Variants in TMEM117 observed in about 807,000 individuals in gnomAD.
TMEM117 encodes the protein transmembrane protein 117.
In TMEM117, 27 loss-of-function variants were observed where a neutral mutation model predicts 52.4. That is an observed-to-expected ratio of 0.51 (90% CI 0.38 to 0.71). The LOEUF is 0.71. Among genes scored for constraint, TMEM117 ranks in the 30% least tolerant of loss-of-function variants. The pLI, the probability that TMEM117 is intolerant of heterozygous loss-of-function variation, is 0.00. For synonymous variants in TMEM117, 215 were observed against 206.3 expected (o/e 1.04, Z -0.36); for missense variants, 556 against 630.5 (o/e 0.88, Z 1.26).
intron 5 of TMEM117, among the ~76,000 whole-genome samples, chr12:44,296,332 A>T (rs1950768623): frequency 6.6e-6 from 1 of 152,078 alleles, no homozygotes. Flanking sequence ...GCTAGAACTG[A>T]GTTAGAGAGT....
intron 6 of TMEM117, among the ~76,000 whole-genome samples, chr12:44,342,653 A>G (rs751408432): frequency 6.6e-6 from 1 of 152,120 alleles, no homozygotes; most frequent in Admixed American, 6.6e-5. Context: ...AAAAAAAAAA[A>G]AAAAGACTCA....
At chr12:43,968,763 A>G (rs925537265) in intron 3 of TMEM117, among the ~76,000 whole-genome samples, 1 of 152,216 alleles carries the variant, frequency 6.6e-6, no homozygotes, top group East Asian at 1.9e-4. Context: ...TATAGATGCC[A>G]TATACCACAT....
At chr12:44,267,342 T>C (rs1350141777) in intron 5 of TMEM117, among the ~76,000 whole-genome samples, 1 of 152,058 alleles carries the variant, frequency 6.6e-6, no homozygotes, top group Non-Finnish European at 1.5e-5. Flanking sequence ...AGAAATAAAA[T>C]TGATTATTTA....
chr12:44,373,774 T>TTTA (rs750664302), intron 6 of TMEM117, among the ~76,000 whole-genome samples: 1 of 54,712 alleles, frequency 1.8e-5, no homozygotes, highest in Non-Finnish European at 3.5e-5. Flanking sequence ...CCATTTCCTT[T>TTTA]TTTTTTTTTT....
At chr12:43,875,899 T>C (rs1001655619) in intron 2 of TMEM117, among the ~76,000 whole-genome samples, 9 of 152,182 alleles carry the variant, frequency 5.9e-5, no homozygotes, top group Admixed American at 3.9e-4. Context: ...ACAAGCTTCA[T>C]CTGGAAAACC....
At chr12:44,344,349 CT>C (rs1472282526) in intron 6 of TMEM117, among the ~76,000 whole-genome samples, 2 of 152,148 alleles carry the variant, frequency 1.3e-5, no homozygotes, top group Non-Finnish European at 2.9e-5. Context: ...TGCAGTTACA[CT>C]GCTTCCCATG....
chr12:43,866,251 A>G (rs774376426), intron 2 of TMEM117, among the ~76,000 whole-genome samples: 2 of 151,744 alleles, frequency 1.3e-5, no homozygotes. Flanking sequence ...GATATCTTTA[A>G]AGTACTGTAA....
chr12:43,920,035 C>A (rs1944666114), intron 2 of TMEM117, among the ~76,000 whole-genome samples: 1 of 151,870 alleles, frequency 6.6e-6, no homozygotes, highest in Admixed American at 6.6e-5. Context: ...CAATCTTCTC[C>A]CTGTGGCACA....
intron 4 of TMEM117, among the ~76,000 whole-genome samples, chr12:44,190,819 A>AAAACATCTAC (rs1949341589): frequency 6.6e-6 from 1 of 150,892 alleles, no homozygotes; most frequent in Non-Finnish European, 1.5e-5. Context: ...TTTCTTATGG[A>AAAACATCTAC]AGTTTTACTT....
At chr12:44,229,341 C>G (rs1949904532) in intron 5 of TMEM117, among the ~76,000 whole-genome samples, 1 of 151,996 alleles carries the variant, frequency 6.6e-6, no homozygotes, top group African/African-American at 2.4e-5. Context: ...ATTGAGATGC[C>G]TATTAAACAT....
chr12:44,083,394 T>G (rs1947515333), intron 3 of TMEM117, among the ~76,000 whole-genome samples: 1 of 143,366 alleles, frequency 7.0e-6, no homozygotes, highest in Non-Finnish European at 1.5e-5. Flanking sequence ...TGTTAGTTTT[T>G]TTTTTTTTTT....
At chr12:44,194,972 G>A (rs73290283) in intron 4 of TMEM117, among the ~76,000 whole-genome samples, 2,879 of 152,296 alleles carry the variant, frequency 0.019, 82 homozygotes, top group African/African-American at 0.066. Context: ...TAGCAGGCTA[G>A]CTTAAAACAT....
intron 6 of TMEM117, among the ~76,000 whole-genome samples, chr12:44,318,022 A>T (rs1483795639): frequency 1.3e-5 from 2 of 152,100 alleles, no homozygotes; most frequent in Non-Finnish European, 2.9e-5. Context: ...CTTGGCCCTA[A>T]GTTCTCTGCA....
At chr12:43,977,246 C>T (rs765129126) in intron 3 of TMEM117, among the ~76,000 whole-genome samples, 2 of 152,184 alleles carry the variant, frequency 1.3e-5, no homozygotes, top group Non-Finnish European at 2.9e-5. Flanking sequence ...CCTGAGTTGT[C>T]TTCTTCAGCA....
At chr12:44,398,944 G>A in the TMEM117 span, among the ~76,000 whole-genome samples, 5 of 152,170 alleles carry the variant, frequency 3.3e-5, no homozygotes, top group African/African-American at 9.6e-5. Context: ...TGTATATCTA[G>A]TGCCTCTCTC....
intron 3 of TMEM117, chr12:44,009,206 G>T: frequency 7.4e-6 from 2 of 270,542 alleles, no homozygotes; most frequent in South Asian, 3.7e-5. Context: ...CCTGCCTGTT[G>T]TTTTCTGGAC....
At chr12:44,216,619 T>C (rs1054324225) in intron 5 of TMEM117, among the ~76,000 whole-genome samples, 7 of 152,148 alleles carry the variant, frequency 4.6e-5, no homozygotes, top group Non-Finnish European at 1.0e-4. Flanking sequence ...AAGATGGTAA[T>C]CTGAGTATTA....
At chr12:44,283,235 T>A (rs975272878) in intron 5 of TMEM117, among the ~76,000 whole-genome samples, 2 of 152,186 alleles carry the variant, frequency 1.3e-5, no homozygotes, top group Non-Finnish European at 2.9e-5. Flanking sequence ...ACTGGGGCAC[T>A]GCCTTGTAGA....
intron 3 of TMEM117, among the ~76,000 whole-genome samples, chr12:43,984,364 TAAC>T (rs3064367): frequency 0.12 from 17,716 of 145,990 alleles, 1,368 homozygotes; most frequent in African/African-American, 0.23. Flanking sequence ...TGAGACTCCG[TAAC>T]AACAACAACA....
Sources: allele counts gnomAD v4.1 joint callset (sites outside exome capture counted in the v4.1 genomes callset), GRCh38; gene constraint gnomAD v4.1.1; transcripts MANE v1.5; gene names NCBI Gene and HGNC (gene_info 2026-07-23, HGNC 2026-07-21).